The following MEF2A variants were observed in gnomAD, a reference collection of about 807,000 sequenced individuals.
The protein encoded by MEF2A is myocyte-specific enhancer factor 2A.
In MEF2A, 28 loss-of-function variants were observed where a neutral mutation model predicts 55.8. That is an observed-to-expected ratio of 0.50 (90% CI 0.37 to 0.69). MEF2A has a LOEUF of 0.69. MEF2A is among the 30% of genes least tolerant of loss of function. The pLI, the probability that MEF2A is intolerant of heterozygous loss-of-function variation, is 0.00. For missense variants in MEF2A, 528 were observed against 626.2 expected (o/e 0.84, Z 1.67); for synonymous variants, 239 against 227.1 (o/e 1.05, Z -0.47).
intron 4 of MEF2A, among the ~76,000 whole-genome samples, chr15:99,662,765 ACCGCGCC>A (rs763435145): frequency 7.9e-5 from 12 of 152,304 alleles, no homozygotes; most frequent in Non-Finnish European, 1.3e-4. Flanking sequence ...GGCATGAGCC[ACCGCGCC>A]CGGCCCAAGC....
chr15:99,709,613 T>C (rs886871314), intron 10 of MEF2A, among the ~76,000 whole-genome samples: 2 of 152,236 alleles, frequency 1.3e-5, no homozygotes, highest in Admixed American at 6.5e-5. Context: ...GACCAATTTC[T>C]TTAAACACCT....
At chr15:99,671,183 C>A in intron 4 of MEF2A, 140 bp from the exon 5 acceptor site, 1 of 756,544 alleles carries the variant, frequency 1.3e-6, no homozygotes, top group Non-Finnish European at 2.1e-6. Flanking sequence ...GAAGTAAGTA[C>A]ATTTGTGATC....
intron 1 of MEF2A, among the ~76,000 whole-genome samples, chr15:99,566,801 T>C (rs1342688965): frequency 8.6e-6 from 1 of 116,386 alleles, no homozygotes; most frequent in Non-Finnish European, 1.9e-5. Flanking sequence ...AGTGGCGGGG[T>C]CGGTGTTTGG....
rs1010769458 is a variant in MEF2A at position 99,715,771 on chromosome 15, A to C, written c.*3000A>C. 3 of 152,262 alleles carry C rather than the reference A, an allele frequency of 2.0e-5. No homozygotes were observed. The highest frequency in any genetic ancestry group is 7.2e-5 in the African/African-American group (3 of 41,468). 9.4% of individuals were successfully genotyped at this position (152,262 alleles called of 1,614,324 possible). On this transcript the variant is annotated 3_prime_UTR_variant, in exon 12 of 12. Coordinates refer to ENST00000557942, the MANE Select transcript of MEF2A (RefSeq NM_001319206.4). ...GCTTAAATTGCACTGGTTAAAGTAC[A>C]GTTTCCAACAGCTGTCCTTCCTCAG...
rs914962419 is a variant in MEF2A at position 99,715,106 on chromosome 15, C to A, written c.*2335C>A. ...TACTTTACTGAACTACTTACAGGCA[C>A]ATTTCTTCATAAGGCCACACCTAAT... On this transcript the variant is annotated 3_prime_UTR_variant, in exon 12 of 12. Coordinates refer to ENST00000557942, the MANE Select transcript of MEF2A (RefSeq NM_001319206.4). The A allele has an allele frequency of 6.6e-6, 1 of 152,216 alleles. No individual in the cohort carries two copies. The highest frequency in any genetic ancestry group is 6.5e-5 in the Admixed American group (1 of 15,282). 9.4% of individuals were successfully genotyped at this position (152,216 alleles called of 1,614,324 possible). A position where few individuals can be genotyped will look rare whatever the true frequency, so the allele number is the denominator to read the frequency against.
rs1481045616 is a variant in MEF2A, at chr15:99,675,472, TA to T, written c.670+15del. 1.9e-6 allele frequency: 3 copies of T among 1,609,546 alleles called. No individual in the cohort carries two copies. The African/African-American group carries it at 4.0e-5, about 21-fold the overall frequency. On this transcript the variant is annotated intron_variant, in intron 7 of 11. Coordinates refer to ENST00000557942, the MANE Select transcript of MEF2A (RefSeq NM_001319206.4). ...GCAGTCCAGTGGGTGAGTGAATTCC[TA>T]CTCTTCTGTTTTGTAGGTATCTATC...
At chr15:99,626,557 G>A (rs1024551889) in intron 2 of MEF2A, among the ~76,000 whole-genome samples, 1 of 151,808 alleles carries the variant, frequency 6.6e-6, no homozygotes, top group African/African-American at 2.4e-5. Flanking sequence ...TAATTTTTAT[G>A]GCTTTATATA....
In MEF2A at chr15:99,643,833, C is replaced by T. The variant is rs143050973; in HGVS notation, c.55-1728C>T. ...GTCTCCATCTCCTGAGCTCGTGATTCGCCTGCCTCAGCCTCCCAAAGTGCT... is the reference window on the plus strand; with the variant it reads ...GTCTCCATCTCCTGAGCTCGTGATTTGCCTGCCTCAGCCTCCCAAAGTGCT... On this transcript the variant is annotated intron_variant, in intron 3 of 11. Transcript: ENST00000557942. Among the ~76,000 whole-genome samples the T allele has an allele frequency of 5.2e-4, 79 of 152,222 alleles. 2 individuals carry two copies. The East Asian group carries it at 0.012, about 23-fold the overall frequency.
intron 10 of MEF2A, among the ~76,000 whole-genome samples, chr15:99,707,696 A>T (rs1054379906): frequency 6.6e-6 from 1 of 152,186 alleles, no homozygotes; most frequent in Non-Finnish European, 1.5e-5. Context: ...CAGTAGTTCA[A>T]TTCTCCCTTG....
chr15:99,700,508 T>TCA (rs1407715697), intron 8 of MEF2A, among the ~76,000 whole-genome samples: 1 of 151,512 alleles, frequency 6.6e-6, no homozygotes, highest in African/African-American at 2.4e-5. Flanking sequence ...CGAGACCCTG[T>TCA]CACACACACA....
At chr15:99,593,873 A>G (rs1054340222) in intron 1 of MEF2A, among the ~76,000 whole-genome samples, 4 of 152,180 alleles carry the variant, frequency 2.6e-5, no homozygotes, top group East Asian at 1.9e-4. Context: ...AGTACCTTCT[A>G]TTAAAAAAGA....
intron 7 of MEF2A, among the ~76,000 whole-genome samples, chr15:99,680,100 T>A (rs147683368): frequency 5.3e-5 from 8 of 152,310 alleles, no homozygotes; most frequent in African/African-American, 1.9e-4. Flanking sequence ...CCCTCAGTGT[T>A]GAGCTGCTGA....
chr15:99,691,229 C>T (rs1051820296), intron 8 of MEF2A, among the ~76,000 whole-genome samples: 16 of 148,784 alleles, frequency 1.1e-4, no homozygotes, highest in African/African-American at 7.4e-5. Context: ...AAAGAGGAAA[C>T]CCCTCGAATG....
chr15:99,627,561 C>G (rs1821506585), intron 2 of MEF2A, among the ~76,000 whole-genome samples: 1 of 149,896 alleles, frequency 6.7e-6, no homozygotes, highest in Non-Finnish European at 1.5e-5. Context: ...TTTTACATCA[C>G]AAAACTCAGT....
At chr15:99,638,660 A>G (rs34779575) in intron 3 of MEF2A, among the ~76,000 whole-genome samples, 37,204 of 152,042 alleles carry the variant, frequency 0.24, 4,819 homozygotes, top group African/African-American at 0.31. Context: ...TTTTATGGAA[A>G]TGGCCCATCT....
intron 1 of MEF2A, among the ~76,000 whole-genome samples, chr15:99,582,808 C>G (rs1380545978): frequency 6.6e-6 from 1 of 152,100 alleles, no homozygotes; most frequent in Non-Finnish European, 1.5e-5. Flanking sequence ...GCATGATGCA[C>G]TCCCTTGACT....
chr15:99,702,488 C>T (rs1351619571), intron 8 of MEF2A, among the ~76,000 whole-genome samples: 2 of 141,830 alleles, frequency 1.4e-5, no homozygotes, highest in African/African-American at 2.6e-5. Flanking sequence ...AGTGCAGTGG[C>T]GTGATCTCAG....
intron 7 of MEF2A, 130 bp downstream of exon 7, chr15:99,675,588 A>G (rs2051826608): frequency 1.9e-5 from 14 of 721,772 alleles, no homozygotes; most frequent in Non-Finnish European, 3.0e-5. Flanking sequence ...CATCAAGATA[A>G]TTTCTTAAGG....
intron 2 of MEF2A, among the ~76,000 whole-genome samples, chr15:99,605,754 T>C (rs1974857304): frequency 1.3e-5 from 2 of 151,016 alleles, no homozygotes; most frequent in South Asian, 4.2e-4. Flanking sequence ...GTGGATCACC[T>C]GAGCCTAGGA....
Sources: gnomAD v4.1 joint callset for allele counts (sites outside exome capture counted in the v4.1 genomes callset) on GRCh38, gnomAD v4.1.1 for gene constraint, MANE v1.5 for transcripts, NCBI Gene and HGNC (gene_info 2026-07-23, HGNC 2026-07-21) for gene names.